The following GALNT7 variants were observed in gnomAD, a reference collection of about 807,000 sequenced individuals.
GALNT7 encodes the protein N-acetylgalactosaminyltransferase 7.
In GALNT7, 60 loss-of-function variants were observed where a neutral mutation model predicts 82.1. The observed-to-expected ratio is 0.73, with a 90% CI of 0.59 to 0.91. The LOEUF (loss-of-function observed/expected upper bound fraction) is 0.91, where lower values mean the gene tolerates loss of function less well. Among genes scored for constraint, GALNT7 ranks in the 40% least tolerant of loss-of-function variants. The pLI, the probability that GALNT7 is intolerant of heterozygous loss-of-function variation, is 0.00. For synonymous variants in GALNT7, 243 were observed against 275.1 expected (o/e 0.88, Z 1.15); for missense variants, 660 against 804.2 (o/e 0.82, Z 2.17).
At chr4:173,317,602 C>A in intron 9 of GALNT7, 32 bp from the exon 10 acceptor site, 1 of 1,310,816 alleles carries the variant, frequency 7.6e-7, no homozygotes, top group Non-Finnish European at 1.1e-6. Context: ...TAAACTGTTG[C>A]CTGCTTTTTG....
intron 2 of GALNT7, among the ~76,000 whole-genome samples, chr4:173,278,522 G>A (rs1030251901): frequency 7.9e-5 from 12 of 152,092 alleles, no homozygotes; most frequent in Admixed American, 7.9e-4. Context: ...AAACCAAAGA[G>A]GGCAGAACCT....
chr4:173,321,944 C>T lies in GALNT7; in HGVS notation c.*227C>T, dbSNP rs1447374801. 2.1e-5 allele frequency: 8 copies of T among 387,486 alleles called. No individual in the cohort carries two copies. The highest frequency in any genetic ancestry group is 3.8e-5 in the Non-Finnish European group (8 of 210,490). The allele number at this position is 387,486 out of a possible 1,614,324, so 24.0% of individuals were successfully genotyped here. On this transcript the variant is annotated 3_prime_UTR_variant, in exon 12 of 12. Transcript: ENST00000265000. ...TTACCTTAAACTTTGTAGATGTTTA[C>T]ATCTTTTTGTTGTGTTTTAAGATGA...
chr4:173,243,833 T>C (rs375108572), intron 1 of GALNT7, among the ~76,000 whole-genome samples: 115 of 152,080 alleles, frequency 7.6e-4, no homozygotes, highest in African/African-American at 2.7e-3. Context: ...AGTACGGGTC[T>C]ATCTGATTTA....
In GALNT7 at chr4:173,295,403, A is replaced by C; in HGVS notation, c.762A>C (p.Leu254Phe). The C allele has an allele frequency of 6.3e-7, 1 of 1,578,920 alleles. No homozygotes were observed. The change falls in exon 4 of 12, where the codon TTA becomes TTC. Residue 254 changes from leucine (L) to phenylalanine (F), a missense_variant. This residue lies in a region of GALNT7 where 527 missense variants were observed against 683.5 expected (regional missense o/e 0.77). Transcript: ENST00000265000. ...LIDDFSNKEH[L>F]KEKLDEYIKL... ...ATTGATTTTTCTTAACAGAACACTT[A>C]AAAGAAAAACTGGATGAATATATTA...
At chr4:173,249,526 GAACA>G (rs1339705885) in intron 2 of GALNT7, among the ~76,000 whole-genome samples, 1 of 152,182 alleles carries the variant, frequency 6.6e-6, no homozygotes, top group Non-Finnish European at 1.5e-5. Context: ...CTTATACAGA[GAACA>G]GTCAGAGCAT....
At chr4:173,281,106 C>G (rs1393601549) in intron 2 of GALNT7, among the ~76,000 whole-genome samples, 3 of 152,158 alleles carry the variant, frequency 2.0e-5, no homozygotes, top group East Asian at 1.9e-4. Context: ...TTCCTTTTCT[C>G]TCTAGCATCC....
At chr4:173,211,952 T>C (rs949629330) in intron 1 of GALNT7, among the ~76,000 whole-genome samples, 1 of 152,256 alleles carries the variant, frequency 6.6e-6, no homozygotes, top group African/African-American at 2.4e-5. Flanking sequence ...TAAAATTTCA[T>C]ATCTTTAATA....
At chr4:173,204,897 A>G (rs1733040035) in intron 1 of GALNT7, among the ~76,000 whole-genome samples, 5 of 152,200 alleles carry the variant, frequency 3.3e-5, no homozygotes, top group Admixed American at 3.3e-4. Context: ...TTATGTTAAT[A>G]ATCTGTGCAT....
At chr4:173,223,904 G>A (rs1159908913) in intron 1 of GALNT7, among the ~76,000 whole-genome samples, 1 of 152,110 alleles carries the variant, frequency 6.6e-6, no homozygotes, top group Non-Finnish European at 1.5e-5. Context: ...TCATTGATGT[G>A]TGTACTTCAT....
rs868607868 is a variant in GALNT7, at chr4:173,178,069, G to A, written c.126+9108G>A. Among the ~76,000 whole-genome samples, 782 of 145,588 alleles carry A rather than the reference G, an allele frequency of 5.4e-3. 11 individuals carry two copies. Among genetic ancestry groups the A allele is most frequent in the African/African-American group, 0.02 (751 of 37,564 alleles). On this transcript the variant is annotated intron_variant, in intron 1 of 11. Coordinates refer to ENST00000265000, the MANE Select transcript of GALNT7 (RefSeq NM_017423.3). ...TGTGTGTGTGCGCGCACGCGCGTGC[G>A]CACAGACACCTATGTATATATATTT...
chr4:173,222,206 T>G (rs955488487), intron 1 of GALNT7, among the ~76,000 whole-genome samples: 1 of 152,198 alleles, frequency 6.6e-6, no homozygotes, highest in African/African-American at 2.4e-5. Context: ...AACATTACTT[T>G]AATAATCTAT....
At chr4:173,237,133 A>G (rs1734260374) in intron 1 of GALNT7, among the ~76,000 whole-genome samples, 1 of 152,178 alleles carries the variant, frequency 6.6e-6, no homozygotes, top group Non-Finnish European at 1.5e-5. Flanking sequence ...ATGGTAATAA[A>G]ATGTTGTTCT....
At chr4:173,191,130 A>C (rs1157077361) in intron 1 of GALNT7, among the ~76,000 whole-genome samples, 12 of 152,060 alleles carry the variant, frequency 7.9e-5, no homozygotes, top group Admixed American at 2.6e-4. Flanking sequence ...TAGCACCAAT[A>C]GGGCTAAGGC....
At chr4:173,283,006 T>C (rs73001549) in intron 2 of GALNT7, among the ~76,000 whole-genome samples, 14,130 of 152,174 alleles carry the variant, frequency 0.093, 1,512 homozygotes, top group African/African-American at 0.26. Flanking sequence ...GATTTTGACA[T>C]TACCCATCCC....
intron 2 of GALNT7, among the ~76,000 whole-genome samples, chr4:173,279,759 G>A (rs570862463): frequency 6.6e-6 from 1 of 152,172 alleles, no homozygotes; most frequent in African/African-American, 2.4e-5. Flanking sequence ...GATCACCTGA[G>A]GTCAGGAGTT....
intron 1 of GALNT7, among the ~76,000 whole-genome samples, chr4:173,170,966 GT>G (rs1731843481): frequency 6.6e-6 from 1 of 152,058 alleles, no homozygotes; most frequent in Non-Finnish European, 1.5e-5. Context: ...TTGATTTTTT[GT>G]TTGTTTCAGT....
At chr4:173,211,204 C>G (rs910350824) in intron 1 of GALNT7, among the ~76,000 whole-genome samples, 1 of 152,088 alleles carries the variant, frequency 6.6e-6, no homozygotes, top group African/African-American at 2.4e-5. Context: ...TCTAGAAGTT[C>G]TTATCTAGGG....
intron 9 of GALNT7, 74 bp from the exon 10 acceptor site, chr4:173,317,560 G>A: frequency 1.1e-6 from 1 of 917,278 alleles, no homozygotes; most frequent in South Asian, 1.3e-5. Context: ...AACATGAAAT[G>A]TTAAATTCTG....
intron 1 of GALNT7, among the ~76,000 whole-genome samples, chr4:173,242,589 C>T (rs1734474018): frequency 6.6e-6 from 1 of 152,214 alleles, no homozygotes; most frequent in African/African-American, 2.4e-5. Flanking sequence ...GCTGCAGCTC[C>T]CAATGCAGTC....
Sources: allele counts gnomAD v4.1 joint callset (sites outside exome capture counted in the v4.1 genomes callset), GRCh38; gene constraint gnomAD v4.1.1; regional missense constraint gnomAD v4.1.1; transcripts MANE v1.5; gene names NCBI Gene and HGNC (gene_info 2026-07-23, HGNC 2026-07-21).